The following ITFG1 variants were observed in gnomAD, a reference collection of about 807,000 sequenced individuals.
ITFG1 encodes T-cell immunomodulatory protein.
ITFG1 carries 34 observed loss-of-function variants against 81.8 expected under a neutral mutation model. That is an observed-to-expected ratio of 0.42 (90% CI 0.32 to 0.55). ITFG1 has a LOEUF of 0.55. Ranked by LOEUF, ITFG1 falls within the 20% of genes least tolerant of loss-of-function variation. The probability of loss-of-function intolerance (pLI) is 0.17; values close to 1 mark genes in which losing one functional copy is unlikely to be tolerated. For missense variants in ITFG1, 672 were observed against 755.4 expected, an observed-to-expected ratio of 0.89 and a Z score of 1.29; for synonymous variants, 285 against 270.6, an observed-to-expected ratio of 1.05 and a Z score of -0.52.
chr16:47,276,777 T>G (rs1966402429), intron 10 of ITFG1, among the ~76,000 whole-genome samples: 1 of 151,996 alleles, frequency 6.6e-6, no homozygotes. Context: ...TGGGGAAAAA[T>G]ACACTACTCA....
chr16:47,353,664 C>T (rs906300248), intron 8 of ITFG1, among the ~76,000 whole-genome samples: 2 of 151,848 alleles, frequency 1.3e-5, no homozygotes, highest in East Asian at 1.9e-4. Flanking sequence ...CAAAAAAAAC[C>T]CTTTTAGAAT....
chr16:47,454,186 C>A, intron 2 of ITFG1, 28 bp from the exon 3 acceptor site: 1 of 1,562,284 alleles, frequency 6.4e-7, no homozygotes, highest in South Asian at 1.2e-5. Context: ...TTACAAATAT[C>A]AGACAAGTTG....
At chr16:47,242,780 T>C (rs1209655189) in intron 12 of ITFG1, among the ~76,000 whole-genome samples, 2 of 152,076 alleles carry the variant, frequency 1.3e-5, no homozygotes, top group Non-Finnish European at 2.9e-5. Context: ...AAATACAATA[T>C]AAAGTTCAAA....
Position 47,461,024 on chromosome 16 carries a change from G to A in ITFG1, c.22C>T (p.Pro8Ser). ...GGCGAGAAGAGGGCCCAGGAGCTCG[G>A]GAGCCGGCCCGCCGCCGCCATGGCA... MAAAGRL[P>S]SSWALFSPLL... Residue 8 changes from proline (P) to serine (S), a missense_variant, in exon 1 of 18, where the codon CCG (proline) becomes TCG (serine). Physicochemically the swap from Pro to Ser is moderately conservative, Grantham distance 74. Around this residue, in one of 3 missense-constraint regions of ITFG1, gnomAD observed 47 missense variants for 26.4 expected, o/e 1.78. Coordinates refer to ENST00000320640, the MANE Select transcript of ITFG1 (RefSeq NM_030790.5). 1.9e-6 allele frequency: 3 copies of A among 1,544,468 alleles called. No homozygotes were observed. Among genetic ancestry groups the A allele is most frequent in the Non-Finnish European group, 2.6e-6 (3 of 1,146,724 alleles).
intron 6 of ITFG1, among the ~76,000 whole-genome samples, chr16:47,413,156 T>C (rs187687725): frequency 2.6e-5 from 4 of 152,260 alleles, no homozygotes; most frequent in East Asian, 3.9e-4. Context: ...AAGCTAGCAG[T>C]GGACCTCTCA....
chr16:47,353,654 CA>C (rs374223915), intron 8 of ITFG1, among the ~76,000 whole-genome samples: 2,112 of 151,338 alleles, frequency 0.014, 48 homozygotes, highest in African/African-American at 0.047. Context: ...TAGACTCCAT[CA>C]AAAAAAACCC....
At chr16:47,416,052 C>T (rs1968870220) in intron 6 of ITFG1, among the ~76,000 whole-genome samples, 1 of 152,100 alleles carries the variant, frequency 6.6e-6, no homozygotes, top group Non-Finnish European at 1.5e-5. Context: ...CAAGATTGCA[C>T]CATTGCACTC....
chr16:47,273,343 T>C (rs1966363490), intron 10 of ITFG1, among the ~76,000 whole-genome samples: 1 of 152,122 alleles, frequency 6.6e-6, no homozygotes, highest in South Asian at 2.1e-4. Context: ...AGGAATCCTC[T>C]AAAAATTAAA....
chr16:47,229,745 G>A (rs182888839), intron 13 of ITFG1, among the ~76,000 whole-genome samples: 1 of 152,100 alleles, frequency 6.6e-6, no homozygotes, highest in Admixed American at 6.5e-5. Flanking sequence ...CTGGGTTTTG[G>A]GGGGTGGGGA....
At chr16:47,367,091 A>G (rs1288528902) in intron 7 of ITFG1, among the ~76,000 whole-genome samples, 1 of 152,188 alleles carries the variant, frequency 6.6e-6, no homozygotes, top group East Asian at 1.9e-4. Context: ...TCACAGCTGG[A>G]GTGGCTCGCA....
intron 6 of ITFG1, among the ~76,000 whole-genome samples, chr16:47,393,924 T>C (rs1968563606): frequency 6.6e-6 from 1 of 152,138 alleles, no homozygotes; most frequent in Non-Finnish European, 1.5e-5. Flanking sequence ...TAAGTCTCTT[T>C]ATGTGAATTA....
chr16:47,348,096 CCA>C (rs1459529465), intron 8 of ITFG1, among the ~76,000 whole-genome samples: 1 of 152,160 alleles, frequency 6.6e-6, no homozygotes, highest in Non-Finnish European at 1.5e-5. Flanking sequence ...GTAGATAAAA[CCA>C]CAAAGATGGG....
chr16:47,255,933 T>A (rs1829767748), intron 12 of ITFG1, among the ~76,000 whole-genome samples: 1 of 152,168 alleles, frequency 6.6e-6, no homozygotes, highest in South Asian at 2.1e-4. Context: ...CCAAGAAGGA[T>A]GATGCTCGTG....
chr16:47,299,195 T>C (rs1967034034), intron 10 of ITFG1, among the ~76,000 whole-genome samples: 1 of 152,196 alleles, frequency 6.6e-6, no homozygotes, highest in South Asian at 2.1e-4. Context: ...TGTTTCCTTT[T>C]AGGCTGCAAT....
rs570182358 is a variant in ITFG1 at position 47,400,697 on chromosome 16, C to T, written c.656-24757G>A. On this transcript the variant is annotated intron_variant, in intron 6 of 17. Transcript: ENST00000320640. ...GAAGGGTATGTAAAAGTCAGTTCAG[C>T]GAAAGGAGGTAGGGGAAGCAAAGAG... Among the ~76,000 whole-genome samples, 9 of 151,350 alleles carry T rather than the reference C, an allele frequency of 5.9e-5. No homozygotes were observed. In the East Asian group the frequency reaches 1.4e-3, roughly 23 times the overall value.
At chr16:47,283,849 T>C (rs1331603094) in intron 10 of ITFG1, among the ~76,000 whole-genome samples, 1 of 152,244 alleles carries the variant, frequency 6.6e-6, no homozygotes, top group East Asian at 1.9e-4. Flanking sequence ...TCAGTCAACA[T>C]TTGAAGCTCA....
chr16:47,162,558 G>T lies in ITFG1; in HGVS notation c.1560C>A (p.Pro520=). 6.2e-7 allele frequency: 1 copy of T among 1,604,650 alleles called. No homozygotes were observed. The highest frequency in any genetic ancestry group is 2.2e-5 in the East Asian group (1 of 44,502). ...TACTCACTTTTTCTCCAGATGGACG[G>T]GGAATACCAACGTAGAGATGGTCAA... ...NFLDHLYVGI[P]RPSGEKSIRK... Residue 520 remains proline, a synonymous_variant, in exon 15 of 18, where the codon CCC becomes CCA. Coordinates refer to ENST00000320640, the MANE Select transcript of ITFG1 (RefSeq NM_030790.5).
intron 12 of ITFG1, among the ~76,000 whole-genome samples, chr16:47,256,293 T>C (rs1011793325): frequency 6.6e-6 from 1 of 152,202 alleles, no homozygotes; most frequent in African/African-American, 2.4e-5. Context: ...TTCTGTTTGG[T>C]TCCCCTGGGA....
chr16:47,294,115 A>G (rs572470336), intron 10 of ITFG1, among the ~76,000 whole-genome samples: 2 of 152,226 alleles, frequency 1.3e-5, no homozygotes, highest in Non-Finnish European at 2.9e-5. Context: ...CATTTACTGA[A>G]AAGATTGTCC....
Sources: allele counts gnomAD v4.1 joint callset (sites outside exome capture counted in the v4.1 genomes callset), GRCh38; gene constraint gnomAD v4.1.1; regional missense constraint gnomAD v4.1.1; transcripts MANE v1.5; gene names NCBI Gene and HGNC (gene_info 2026-07-23, HGNC 2026-07-21).